Variants in MAP7 observed in about 807,000 individuals in gnomAD.
MAP7 encodes the protein microtubule associated protein 7.
A neutral mutation model predicts 94.8 loss-of-function variants in MAP7; 52 were observed. The ratio of observed to expected loss-of-function variants is 0.55; its 90% CI spans 0.44 to 0.69. The LOEUF (loss-of-function observed/expected upper bound fraction) is 0.69, where lower values mean the gene tolerates loss of function less well. Among genes scored for constraint, MAP7 ranks in the 30% least tolerant of loss-of-function variants. The pLI is 0.00. For missense variants in MAP7, 940 were observed against 964.6 expected, an observed-to-expected ratio of 0.97 and a Z score of 0.34; for synonymous variants, 350 against 357.0, an observed-to-expected ratio of 0.98 and a Z score of 0.22.
chr6:136,462,773 A>AC (rs2128917348), intron 1 of MAP7, among the ~76,000 whole-genome samples: 1 of 151,960 alleles, frequency 6.6e-6, no homozygotes, highest in South Asian at 2.1e-4. Flanking sequence ...ACAAGCCTGG[A>AC]CAACATGGTG....
intron 1 of MAP7, among the ~76,000 whole-genome samples, chr6:136,430,849 C>T (rs1370645080): frequency 1.3e-5 from 2 of 152,110 alleles, no homozygotes; most frequent in African/African-American, 2.4e-5. Flanking sequence ...CAGTTTTAGG[C>T]TTACAGCACA....
chr6:136,496,777 TAAAAAAAAAAAAAAA>T (rs1171059105), intron 1 of MAP7, among the ~76,000 whole-genome samples: 2 of 53,300 alleles, frequency 3.8e-5, no homozygotes, highest in African/African-American at 1.5e-4. Context: ...CCGTCTCTAC[TAAAAAAAAAAAAAAA>T]AAAAAAAAAA....
rs533313850 is a variant in MAP7 at position 136,438,480 on chromosome 6, T to C, written c.68-16681A>G. On this transcript the variant is annotated intron_variant, in intron 1 of 17. Transcript: ENST00000354570. ...TATCTGGAGAAGAACTAAGATGGGG[T>C]TCAGGAACCTGAGTGTAGGTGCATT... Among the ~76,000 whole-genome samples, 7 of 152,306 alleles carry C rather than the reference T, an allele frequency of 4.6e-5. No individual in the cohort carries two copies. The South Asian group carries it at 1.2e-3, about 27-fold the overall frequency.
intron 1 of MAP7, among the ~76,000 whole-genome samples, chr6:136,492,462 TG>T (rs1052547729): frequency 1.3e-5 from 2 of 152,228 alleles, no homozygotes; most frequent in African/African-American, 4.8e-5. Flanking sequence ...AAGTGTCATC[TG>T]TTGCAAAAGT....
chr6:136,366,225 G>T (rs1016457145), intron 9 of MAP7, 102 bp downstream of exon 9: 2 of 1,145,860 alleles, frequency 1.7e-6, no homozygotes, highest in African/African-American at 1.6e-5. Flanking sequence ...TATTCCCTAA[G>T]TCAAAGCCAA....
chr6:136,347,044 TG>T lies in MAP7; in HGVS notation c.2016-966del, dbSNP rs141136013. On this transcript the variant is annotated intron_variant, in intron 16 of 17. Transcript: ENST00000354570. Reference sequence around the variant, plus strand: ...ATGCTTAATATCTTGGATTTATTTTTGAGATATACTTAATTGGCCCCAAATA... The same window carrying T: ...ATGCTTAATATCTTGGATTTATTTTTAGATATACTTAATTGGCCCCAAATA... Among the ~76,000 whole-genome samples the T allele has an allele frequency of 4.9e-3, 750 of 152,378 alleles. 7 individuals carry two copies. The highest frequency in any genetic ancestry group is 0.017 in the African/African-American group (719 of 41,590).
chr6:136,394,930 T>TCATATATATATATATATATA lies in MAP7; in HGVS notation c.245-5433_245-5414dup, dbSNP rs1562349921. Among the ~76,000 whole-genome samples, 37 of 10,738 alleles carry TCATATATATATATATATATA rather than the reference T, an allele frequency of 3.4e-3. 2 individuals carry two copies. The highest frequency in any genetic ancestry group is 6.7e-3 in the African/African-American group (30 of 4,488). 7.0% of individuals were successfully genotyped at this position (10,738 alleles called of 152,430 possible). On this transcript the variant is annotated intron_variant, in intron 3 of 17. Transcript: ENST00000354570. ...TTTTTTATGGTTGAATAATATTCCA[T>TCATATATATATATATATATA]CATATATATATATATATATATATAT...
At chr6:136,407,114 A>G (rs1019347717) in intron 3 of MAP7, among the ~76,000 whole-genome samples, 3 of 152,226 alleles carry the variant, frequency 2.0e-5, no homozygotes, top group Non-Finnish European at 4.4e-5. Flanking sequence ...TTAGTGCTCA[A>G]TAAATACTGT....
chr6:136,406,599 T>A (rs1785692654), intron 3 of MAP7, among the ~76,000 whole-genome samples: 1 of 152,012 alleles, frequency 6.6e-6, no homozygotes, highest in South Asian at 2.1e-4. Flanking sequence ...GGCGGGCAAA[T>A]CCCTTGAGGC....
At chr6:136,346,521 C>T (rs1395004229) in intron 16 of MAP7, among the ~76,000 whole-genome samples, 3 of 152,186 alleles carry the variant, frequency 2.0e-5, no homozygotes, top group Non-Finnish European at 4.4e-5. Context: ...ATGATGGCAC[C>T]ACTGCATTCC....
rs373754692 is a variant in MAP7, at chr6:136,381,919, C to CACACACACACAGAG, written c.637+1751_637+1752insCTCTGTGTGTGTGT. 3.0e-3 allele frequency among the ~76,000 whole-genome samples: 306 copies of CACACACACACAGAG among 103,014 alleles called. 1 individual carries two copies. The highest frequency in any genetic ancestry group is 0.011 in the Middle Eastern group (2 of 174). The allele number at this position is 103,014 out of a possible 152,430, so 67.6% of individuals were successfully genotyped here. On this transcript the variant is annotated intron_variant, in intron 6 of 17. Transcript: ENST00000354570. Reference sequence around the variant, plus strand: ...ACACACACACACACACACACACACACAGAGAGAGAGAGAGAGAATGCATGG... The same window carrying CACACACACACAGAG: ...ACACACACACACACACACACACACACACACACACACAGAGAGAGAGAGAGAGAGAGAATGCATGG...
Position 136,372,532 on chromosome 6 carries a change from G to C in MAP7, c.845C>G (p.Ser282Cys), listed in dbSNP as rs1774857882. 6.2e-7 allele frequency: 1 copy of C among 1,614,076 alleles called. No individual in the cohort carries two copies. Among genetic ancestry groups the C allele is most frequent in the Admixed American group, 1.7e-5 (1 of 59,998 alleles). Residue 282 changes from serine to cysteine, a missense_variant, in exon 8 of 18, where the codon TCT becomes TGT. Ser to Cys is a moderately radical substitution (Grantham distance 112). Coordinates refer to ENST00000354570, the MANE Select transcript of MAP7 (RefSeq NM_003980.6). ...PKLFVTPPEG[S>C]SRRRIIHGTA... The stretch of plus-strand genomic sequence containing the variant: ...GCCATGAATGATCCTCCTGCGAGAA[G>C]AGCCCTCAGGTGGTGTTACAAAGAG...
intron 1 of MAP7, among the ~76,000 whole-genome samples, chr6:136,528,359 G>A (rs562214600): frequency 1.3e-5 from 2 of 152,144 alleles, no homozygotes; most frequent in Non-Finnish European, 2.9e-5. Context: ...TCTTGAATGA[G>A]ACATGATTTG....
At chr6:136,523,890 TA>T (rs1448272745) in intron 1 of MAP7, among the ~76,000 whole-genome samples, 2 of 152,086 alleles carry the variant, frequency 1.3e-5, no homozygotes, top group East Asian at 3.8e-4. Flanking sequence ...AAAAAAATAC[TA>T]AAAGACAACT....
chr6:136,364,113 C>G (rs367853873), intron 10 of MAP7: 76 of 329,286 alleles, frequency 2.3e-4, no homozygotes, highest in African/African-American at 1.5e-3. Context: ...GTGCCAGCCC[C>G]ACACTTGCTC....
intron 2 of MAP7, among the ~76,000 whole-genome samples, chr6:136,418,064 C>T (rs1191832493): frequency 1.3e-5 from 2 of 152,144 alleles, no homozygotes; most frequent in Admixed American, 6.5e-5. Flanking sequence ...AACTAGCAGA[C>T]GTGGACAGAT....
intron 1 of MAP7, among the ~76,000 whole-genome samples, chr6:136,499,378 G>A (rs1182368265): frequency 6.6e-6 from 1 of 152,022 alleles, no homozygotes; most frequent in African/African-American, 2.4e-5. Flanking sequence ...AACTAATATG[G>A]GGCTTCATGC....
chr6:136,545,750 TAAAAC>T (rs1829685872), intron 1 of MAP7, among the ~76,000 whole-genome samples: 1 of 144,040 alleles, frequency 6.9e-6, no homozygotes, highest in Non-Finnish European at 1.5e-5. Flanking sequence ...TTTTTTAAAT[TAAAAC>T]AAATTTAATT....
intron 1 of MAP7, among the ~76,000 whole-genome samples, chr6:136,478,979 C>CAAAAAAAAAAAAAAAAAAAA (rs59319740): frequency 5.1e-4 from 23 of 45,336 alleles, no homozygotes; most frequent in Non-Finnish European, 6.9e-4. Flanking sequence ...ACAGACACAT[C>CAAAAAAAAAAAAAAAAAAAA]AAAAAAAAAA....
Sources: gnomAD v4.1 joint callset for allele counts (sites outside exome capture counted in the v4.1 genomes callset) on GRCh38, gnomAD v4.1.1 for gene constraint, MANE v1.5 for transcripts, NCBI Gene and HGNC (gene_info 2026-07-23, HGNC 2026-07-21) for gene names.